The following NDUFA8 variants were observed in gnomAD, a reference collection of about 807,000 sequenced individuals.
The protein encoded by NDUFA8 is NADH:ubiquinone oxidoreductase subunit A8, also known as NADH dehydrogenase [ubiquinone] 1 alpha subcomplex subunit 8.
Under a neutral mutation model 20.9 loss-of-function variants are expected in NDUFA8, and 16 were observed. The observed-to-expected ratio is 0.77, with a 90% CI of 0.52 to 1.16. The LOEUF (loss-of-function observed/expected upper bound fraction) is 1.16. NDUFA8 is among the 50% of genes most tolerant of loss of function. NDUFA8 has a pLI of 0.00. For missense variants in NDUFA8, 202 were observed against 216.4 expected (o/e 0.93, Z 0.42); for synonymous variants, 70 against 76.1 (o/e 0.92, Z 0.41).
At chr9:122,158,116 G>C (rs770206722) in intron 1 of NDUFA8, among the ~76,000 whole-genome samples, 1 of 152,146 alleles carries the variant, frequency 6.6e-6, no homozygotes, top group Non-Finnish European at 1.5e-5. Flanking sequence ...TCGCGCCACT[G>C]CACTCCAGCC....
At chr9:122,142,988 T>G (rs1293282770), downstream of NDUFA8, among the ~76,000 whole-genome samples, 1 of 152,240 alleles carries the variant, frequency 6.6e-6, no homozygotes, top group African/African-American at 2.4e-5. Context: ...AAGTAACTTT[T>G]GCAGAACACG....
chr9:122,151,264 T>A (rs984612057), intron 2 of NDUFA8, among the ~76,000 whole-genome samples: 9 of 152,192 alleles, frequency 5.9e-5, no homozygotes, highest in Non-Finnish European at 1.2e-4. Flanking sequence ...CTAATTTTCC[T>A]TTGGGAACAA....
At chr9:122,132,637 G>C in the NDUFA8 span, among the ~76,000 whole-genome samples, 21 of 152,282 alleles carry the variant, frequency 1.4e-4, no homozygotes, top group East Asian at 3.1e-3. Flanking sequence ...ACTGGGGCAA[G>C]GGGTCACTTG....
chr9:122,150,288 A>G (rs901014399), intron 2 of NDUFA8, among the ~76,000 whole-genome samples: 1 of 151,740 alleles, frequency 6.6e-6, no homozygotes, highest in African/African-American at 2.4e-5. Context: ...TGGGTGCCCT[A>G]TAGTCCTAGC....
rs1468070718 is a variant in NDUFA8, at chr9:122,144,323, G to C, written c.437C>G (p.Pro146Arg). ...GATCTCAGGGCTGGGATCCGGTCTT[G>C]GTCTTGAGTGATAGGGATTCTCCGG... is the stretch of plus-strand genomic sequence containing the variant. The part of the protein sequence containing the change: ...PLPENPYHSR[P>R]RPDPSPEIEG... The change falls in exon 4 of 4, where the codon CCA becomes CGA. Residue 146 changes from proline (P) to arginine (R), a missense_variant. Transcript: ENST00000373768. 2.5e-6 allele frequency: 4 copies of C among 1,614,014 alleles called. No homozygotes were observed. Among genetic ancestry groups the C allele is most frequent in the Non-Finnish European group, 3.4e-6 (4 of 1,180,030 alleles).
In NDUFA8 at chr9:122,159,679, A is replaced by T. The variant is rs750606273; in HGVS notation, c.-2T>A. ...GGGCAGCTCCACTATCCCCGGCATG[A>T]CGGCTGCAGCCCCGACCCCGACGAG... On this transcript the variant is annotated 5_prime_UTR_variant, in exon 1 of 4. Coordinates refer to ENST00000373768, the MANE Select transcript of NDUFA8 (RefSeq NM_014222.3). The T allele has an allele frequency of 1.2e-6, 2 of 1,614,066 alleles. No individual in the cohort carries two copies. The highest frequency in any genetic ancestry group is 1.7e-6 in the Non-Finnish European group (2 of 1,179,968).
intron 3 of NDUFA8, 107 bp from the exon 4 acceptor site, chr9:122,144,485 T>C: frequency 9.6e-7 from 1 of 1,045,542 alleles, no homozygotes; most frequent in Non-Finnish European, 1.5e-6. Context: ...CTGCTACAAC[T>C]GCTCCCCGAC....
downstream of NDUFA8, among the ~76,000 whole-genome samples, chr9:122,140,538 A>G (rs1275099016): frequency 6.6e-6 from 1 of 152,204 alleles, no homozygotes; most frequent in African/African-American, 2.4e-5. Context: ...AGTCCTCTGG[A>G]AAGGTAAACT....
At chr9:122,152,192 CATTT>C (rs1829010114) in intron 2 of NDUFA8, 49 bp downstream of exon 2, 1 of 1,600,420 alleles carries the variant, frequency 6.2e-7, no homozygotes, top group African/African-American at 1.3e-5. Flanking sequence ...TTCACTTATT[CATTT>C]AAACCTTTAT....
At chr9:122,158,515 T>C (rs190857419) in intron 1 of NDUFA8, among the ~76,000 whole-genome samples, 2 of 152,224 alleles carry the variant, frequency 1.3e-5, no homozygotes, top group African/African-American at 2.4e-5. Context: ...TTTTCACCCA[T>C]AATATAGTGG....
intron 2 of NDUFA8, 67 bp from the exon 3 acceptor site, chr9:122,148,344 A>C (rs1828939146): frequency 6.4e-7 from 1 of 1,555,124 alleles, no homozygotes; most frequent in Non-Finnish European, 8.9e-7. Context: ...AGTGAGAAAA[A>C]AATAGGTACA....
chr9:122,153,306 G>T (rs1219119711), intron 1 of NDUFA8, among the ~76,000 whole-genome samples: 1 of 147,878 alleles, frequency 6.8e-6, no homozygotes, highest in Non-Finnish European at 1.5e-5. Flanking sequence ...TTAAATTAAA[G>T]GATAAATAAA....
At chr9:122,142,067 G>A (rs1164873567), downstream of NDUFA8, among the ~76,000 whole-genome samples, 1 of 152,178 alleles carries the variant, frequency 6.6e-6, no homozygotes, top group Non-Finnish European at 1.5e-5. Context: ...AGGTAAATTA[G>A]TCATAGATCC....
chr9:122,138,865 T>TGTGG, the NDUFA8 span, among the ~76,000 whole-genome samples: 1 of 89,384 alleles, frequency 1.1e-5, no homozygotes, highest in Non-Finnish European at 2.2e-5. Context: ...CAAGAAGAGG[T>TGTGG]GGGGGGGGGG....
intron 3 of NDUFA8, among the ~76,000 whole-genome samples, chr9:122,146,458 T>C (rs1215939117): frequency 1.3e-5 from 2 of 152,234 alleles, no homozygotes; most frequent in African/African-American, 2.4e-5. Context: ...CTTTCCAATC[T>C]AGAATTATCA....
At chr9:122,145,089 A>C (rs1828887950) in intron 3 of NDUFA8, among the ~76,000 whole-genome samples, 1 of 152,240 alleles carries the variant, frequency 6.6e-6, no homozygotes. Flanking sequence ...CCTACTCCAA[A>C]GCTTGTGCTT....
intron 1 of NDUFA8, among the ~76,000 whole-genome samples, chr9:122,159,088 C>T (rs1009695397): frequency 2.6e-5 from 4 of 152,176 alleles, no homozygotes; most frequent in African/African-American, 9.7e-5. Flanking sequence ...GAAATGATAT[C>T]TCTTGAATAA....
downstream of NDUFA8, among the ~76,000 whole-genome samples, chr9:122,141,284 CT>C (rs1450528306): frequency 2.0e-5 from 3 of 152,140 alleles, no homozygotes; most frequent in Admixed American, 1.3e-4. Context: ...CCCCTGAAGG[CT>C]TCTGAGTAGC....
At chr9:122,146,071 G>A (rs988014688) in intron 3 of NDUFA8, among the ~76,000 whole-genome samples, 1 of 152,100 alleles carries the variant, frequency 6.6e-6, no homozygotes, top group African/African-American at 2.4e-5. Context: ...GCTTGAACCC[G>A]GAAGGCACTG....
Sources: allele counts gnomAD v4.1 joint callset (sites outside exome capture counted in the v4.1 genomes callset), GRCh38; gene constraint gnomAD v4.1.1; transcripts MANE v1.5; gene names NCBI Gene and HGNC (gene_info 2026-07-23, HGNC 2026-07-21).